The following UNC13B variants were observed in gnomAD, a reference collection of about 807,000 sequenced individuals.
The protein encoded by UNC13B is unc-13 homolog B, also known as protein unc-13 homolog B.
UNC13B carries 144 observed loss-of-function variants against 211.0 expected under a neutral mutation model. The observed-to-expected ratio is 0.68, with a 90% CI of 0.60 to 0.78. The LOEUF (loss-of-function observed/expected upper bound fraction) is 0.78, where lower values mean the gene tolerates loss of function less well. UNC13B is among the 30% of genes least tolerant of loss of function. UNC13B has a pLI of 0.00. For missense variants in UNC13B, 1,777 were observed against 2,002.0 expected, an observed-to-expected ratio of 0.89 and a Z score of 2.14; for synonymous variants, 709 against 725.8, an observed-to-expected ratio of 0.98 and a Z score of 0.37.
chr9:35,393,899 G>T (rs950044883), intron 26 of UNC13B, among the ~76,000 whole-genome samples: 1 of 152,080 alleles, frequency 6.6e-6, no homozygotes, highest in African/African-American at 2.4e-5. Flanking sequence ...TGAGGTAGCT[G>T]GGAGCCACTG....
chr9:35,197,400 G>T (rs1823004737), intron 1 of UNC13B, among the ~76,000 whole-genome samples: 1 of 151,458 alleles, frequency 6.6e-6, no homozygotes, highest in African/African-American at 2.4e-5. Flanking sequence ...GAGAGATGGG[G>T]TTTCACCATG....
At chr9:35,270,712 C>T (rs372266975) in intron 7 of UNC13B, among the ~76,000 whole-genome samples, 15 of 152,092 alleles carry the variant, frequency 9.9e-5, no homozygotes, top group African/African-American at 3.4e-4. Context: ...CAGTTTTCCC[C>T]CAAACTTTCT....
rs918346632 is a variant in UNC13B at position 35,388,412 on chromosome 9, A to C, written c.11095-1434A>C. 2.6e-5 allele frequency among the ~76,000 whole-genome samples: 4 copies of C among 152,212 alleles called. No homozygotes were observed. The East Asian group carries it at 7.7e-4, about 29-fold the overall frequency. On this transcript the variant is annotated intron_variant, in intron 24 of 39. Transcript: ENST00000635942. Reference sequence around the variant, plus strand: ...GACAGAGTGAGACTCCGTCTCAAAAAAAAAGACAAAATAAAAATAAGATAA... The same window carrying C: ...GACAGAGTGAGACTCCGTCTCAAAACAAAAGACAAAATAAAAATAAGATAA...
intron 1 of UNC13B, among the ~76,000 whole-genome samples, chr9:35,167,586 GTTTT>G (rs35751450): frequency 1.0e-4 from 12 of 114,984 alleles, no homozygotes; most frequent in African/African-American, 3.5e-4. Context: ...ATCTTTGTAG[GTTTT>G]TTTTTTTTTT....
At chr9:35,352,926 A>G (rs1341412253) in intron 11 of UNC13B, 3 of 1,232,208 alleles carry the variant, frequency 2.4e-6, no homozygotes, top group South Asian at 4.1e-5. Flanking sequence ...TGCCACGATA[A>G]AAGTGAGGCC....
chr9:35,392,455 A>G (rs1256431012), intron 26 of UNC13B, among the ~76,000 whole-genome samples: 2 of 152,168 alleles, frequency 1.3e-5, no homozygotes, highest in African/African-American at 4.8e-5. Context: ...GGAAGCCAGA[A>G]CAGGACTTCG....
At chr9:35,329,393 A>G (rs1229411869) in intron 11 of UNC13B, among the ~76,000 whole-genome samples, 1 of 152,230 alleles carries the variant, frequency 6.6e-6, no homozygotes, top group South Asian at 2.1e-4. Context: ...ATTTGAAGGC[A>G]GAGAAGATGG....
chr9:35,179,883 A>G (rs575004842), intron 1 of UNC13B, among the ~76,000 whole-genome samples: 1 of 152,324 alleles, frequency 6.6e-6, no homozygotes, highest in Admixed American at 6.5e-5. Context: ...TAATTGGGTA[A>G]CATCCTAATT....
intron 6 of UNC13B, among the ~76,000 whole-genome samples, chr9:35,253,622 A>G (rs1482189406): frequency 6.6e-6 from 1 of 152,184 alleles, no homozygotes; most frequent in East Asian, 1.9e-4. Flanking sequence ...AACGTTTCCC[A>G]TACACCTCGT....
At chr9:35,352,419 G>A (rs943044429) in intron 11 of UNC13B, 26 of 1,231,976 alleles carry the variant, frequency 2.1e-5, no homozygotes, top group Admixed American at 4.2e-5. Flanking sequence ...GTGGGAGTCC[G>A]AATTGCCACC....
chr9:35,283,649 A>G (rs897761332), intron 7 of UNC13B, among the ~76,000 whole-genome samples: 1 of 152,196 alleles, frequency 6.6e-6, no homozygotes, highest in East Asian at 1.9e-4. Flanking sequence ...AATTAACATA[A>G]TAAGGAAATA....
Position 35,307,461 on chromosome 9 carries a change from C to T in UNC13B, c.8057C>T (p.Ser2686Phe). Residue 2686 changes from serine to phenylalanine, a missense_variant, in exon 9 of 40, where the codon TCC (serine) becomes TTC (phenylalanine). Coordinates refer to ENST00000635942, the MANE Select transcript of UNC13B (RefSeq NM_001371189.2). ...LEPEPAIQTA[S>F]TNQDLLELHP... ...CCAGAGCCAGCTATTCAAACTGCCT[C>T]CACAAACCAAGACTTACTGGAGCTG... is the stretch of plus-strand genomic sequence containing the variant. 2.5e-6 allele frequency: 1 copy of T among 399,122 alleles called. No individual in the cohort carries two copies. The highest frequency in any genetic ancestry group is 4.4e-6 in the Non-Finnish European group (1 of 226,174). The allele number at this position is 399,122 out of a possible 1,614,324, so 24.7% of individuals were successfully genotyped here.
intron 6 of UNC13B, among the ~76,000 whole-genome samples, chr9:35,256,549 A>G (rs554904930): frequency 6.6e-6 from 1 of 152,270 alleles, no homozygotes; most frequent in Non-Finnish European, 1.5e-5. Context: ...ATGAAAAAGT[A>G]TGGGGTTTTA....
intron 11 of UNC13B, chr9:35,351,366 C>T (rs1297741636): frequency 1.6e-6 from 2 of 1,226,984 alleles, no homozygotes; most frequent in African/African-American, 3.1e-5. Context: ...CCATTCCAGG[C>T]AGCACTGTGG....
chr9:35,397,657 A>C lies in UNC13B; in HGVS notation c.11699A>C (p.Gln3900Pro). The change falls in exon 30 of 40, where the codon CAG becomes CCG. Residue 3900 changes from glutamine (Q) to proline (P), a missense_variant. Physicochemically the swap from Gln to Pro is moderately conservative, Grantham distance 76. Coordinates refer to ENST00000635942, the MANE Select transcript of UNC13B (RefSeq NM_001371189.2). ...CAGACCATCGGGAAGGTGCTGATGC[A>C]GTATGCAGACATCTTGTCAAAGGAC... ...FAKTIGKVLM[Q>P]YADILSKDFP... The C allele has an allele frequency of 6.2e-7, 1 of 1,613,946 alleles. No homozygotes were observed. The highest frequency in any genetic ancestry group is 8.5e-7 in the Non-Finnish European group (1 of 1,179,964).
At chr9:35,264,033 T>A (rs375667172) in intron 7 of UNC13B, among the ~76,000 whole-genome samples, 3 of 152,200 alleles carry the variant, frequency 2.0e-5, no homozygotes, top group African/African-American at 7.2e-5. Flanking sequence ...AGGTGGATTG[T>A]TGCTGAAACA....
intron 6 of UNC13B, among the ~76,000 whole-genome samples, chr9:35,248,458 T>G (rs977282055): frequency 2.6e-5 from 4 of 152,204 alleles, no homozygotes; most frequent in African/African-American, 9.7e-5. Flanking sequence ...AGGGTGTGAA[T>G]TTTAGATCTT....
At chr9:35,310,105 G>A (rs1371394614) in intron 9 of UNC13B, among the ~76,000 whole-genome samples, 3 of 152,182 alleles carry the variant, frequency 2.0e-5, no homozygotes, top group South Asian at 2.1e-4. Flanking sequence ...ATTAATCACA[G>A]CCACTGGACA....
chr9:35,258,235 T>C (rs541103720), intron 6 of UNC13B, among the ~76,000 whole-genome samples: 1 of 152,334 alleles, frequency 6.6e-6, no homozygotes, highest in East Asian at 1.9e-4. Flanking sequence ...GAGTTACATT[T>C]TTCTAATTAT....
Sources: allele counts gnomAD v4.1 joint callset (sites outside exome capture counted in the v4.1 genomes callset), GRCh38; gene constraint gnomAD v4.1.1; transcripts MANE v1.5; gene names NCBI Gene and HGNC (gene_info 2026-07-23, HGNC 2026-07-21).